DNM2: variants seen among roughly 807,000 people sequenced by gnomAD.
DNM2 encodes the protein dynamin 2.
DNM2 carries 15 observed loss-of-function variants against 99.0 expected under a neutral mutation model. The observed-to-expected ratio is 0.15, with a 90% confidence interval of 0.10 to 0.23. The LOEUF is 0.23. Among genes scored for constraint, DNM2 ranks in the 10% least tolerant of loss-of-function variants. The pLI, the probability that DNM2 is intolerant of heterozygous loss-of-function variation, is 1.00. For synonymous variants in DNM2, 525 were observed against 481.2 expected, an observed-to-expected ratio of 1.09 and a Z score of -1.19; for missense variants, 742 against 1,189.4, an observed-to-expected ratio of 0.62 and a Z score of 5.53.
intron 7 of DNM2, among the ~76,000 whole-genome samples, chr19:10,787,923 C>T (rs920764651): frequency 6.6e-6 from 1 of 151,070 alleles, no homozygotes; most frequent in Non-Finnish European, 1.5e-5. Context: ...GGCAAGACTC[C>T]GTCTCCAAAA....
chr19:10,817,503 G>T lies in DNM2; in HGVS notation c.1672-2477G>T. 2.2e-6 allele frequency: 1 copy of T among 458,104 alleles called. No homozygotes were observed. 28.4% of individuals were successfully genotyped at this position (458,104 alleles called of 1,614,324 possible). On this transcript the variant is annotated intron_variant, in intron 15 of 20. Transcript: ENST00000389253. This position sits in a 1 kb window ranked among gnomAD's most constrained non-coding sequence, Gnocchi z 4.6. Reference sequence around the variant, plus strand: ...GTCTGAACACTGGGTTGGCGGGGCCGGCTATCCATCCTGCAGAACCCCCCA... The same window carrying T: ...GTCTGAACACTGGGTTGGCGGGGCCTGCTATCCATCCTGCAGAACCCCCCA...
At chr19:10,805,743 C>T (rs1168644965) in intron 12 of DNM2, among the ~76,000 whole-genome samples, 173 bp from the exon 13 acceptor site, 3 of 152,100 alleles carry the variant, frequency 2.0e-5, no homozygotes, top group African/African-American at 4.8e-5. Context: ...TTACTTGTTC[C>T]GTGTGCCCAG....
At chr19:10,741,488 C>G (rs1418965408) in intron 1 of DNM2, among the ~76,000 whole-genome samples, 1 of 152,000 alleles carries the variant, frequency 6.6e-6, no homozygotes, top group Non-Finnish European at 1.5e-5. Flanking sequence ...CTTGGCCTCC[C>G]AAAGTGCTGA....
intron 9 of DNM2, 114 bp from the exon 10 acceptor site, chr19:10,797,266 G>C (rs1204570138): frequency 4.8e-6 from 7 of 1,466,874 alleles, no homozygotes; most frequent in Non-Finnish European, 5.6e-6. Flanking sequence ...CCCCATGCAT[G>C]GACTAATCAG....
chr19:10,737,950 A>G (rs1435509900), intron 1 of DNM2, among the ~76,000 whole-genome samples: 1 of 152,112 alleles, frequency 6.6e-6, no homozygotes, highest in African/African-American at 2.4e-5. Flanking sequence ...GTACTTGTCA[A>G]TCACTGAGCA....
chr19:10,823,602 G>A, intron 16 of DNM2, 186 bp from the exon 17 acceptor site: 1 of 598,694 alleles, frequency 1.7e-6, no homozygotes, highest in Non-Finnish European at 3.0e-6. Context: ...CACTTGCCGA[G>A]CTTGTGCACA....
chr19:10,753,015 T>C (rs564471174), intron 1 of DNM2, among the ~76,000 whole-genome samples: 5 of 152,186 alleles, frequency 3.3e-5, no homozygotes, highest in African/African-American at 7.2e-5. Flanking sequence ...TCCCAGCTAC[T>C]TGGGAGGCTG....
chr19:10,734,735 T>C (rs575103860), intron 1 of DNM2, among the ~76,000 whole-genome samples: 1 of 151,292 alleles, frequency 6.6e-6, no homozygotes, highest in Admixed American at 6.7e-5. Context: ...TTTTTTTTTT[T>C]ATCGAGATGG....
At chr19:10,729,398 C>T (rs1010988123) in intron 1 of DNM2, among the ~76,000 whole-genome samples, 5 of 151,936 alleles carry the variant, frequency 3.3e-5, no homozygotes, top group South Asian at 4.2e-4. Flanking sequence ...GAGTGAGAAG[C>T]GGTTTGCCCT....
intron 2 of DNM2, among the ~76,000 whole-genome samples, chr19:10,771,868 A>G (rs1178083822): frequency 6.6e-6 from 1 of 152,100 alleles, no homozygotes; most frequent in African/African-American, 2.4e-5. Context: ...AGGGGGATTC[A>G]TAATATGTCA....
At chr19:10,802,511 G>C in intron 12 of DNM2, 153 bp downstream of exon 12, 1 of 842,234 alleles carries the variant, frequency 1.2e-6, no homozygotes, top group Non-Finnish European at 2.0e-6. Context: ...GAGAATATCT[G>C]GAAGCTCTCC....
intron 15 of DNM2, among the ~76,000 whole-genome samples, chr19:10,814,094 G>A (rs1271595256): frequency 1.3e-5 from 2 of 152,082 alleles, no homozygotes; most frequent in East Asian, 3.9e-4. Context: ...CCTGGGAGGT[G>A]GAGGTGGAGT....
intron 1 of DNM2, among the ~76,000 whole-genome samples, chr19:10,739,208 C>A (rs986343392): frequency 1.3e-5 from 2 of 152,120 alleles, no homozygotes; most frequent in Non-Finnish European, 2.9e-5. Context: ...GGACGTGTTC[C>A]CTTGTTCTTC....
At chr19:10,754,066 G>T (rs1165692418) in intron 1 of DNM2, among the ~76,000 whole-genome samples, 1 of 152,070 alleles carries the variant, frequency 6.6e-6, no homozygotes, top group African/African-American at 2.4e-5. Context: ...GTCCCCTGTT[G>T]CTGGGCTTTA....
chr19:10,728,308 T>G (rs1011321516), intron 1 of DNM2, among the ~76,000 whole-genome samples: 3 of 152,292 alleles, frequency 2.0e-5, no homozygotes, highest in African/African-American at 7.2e-5. Flanking sequence ...GTAGAGAAAC[T>G]GAGGCCAGAG....
At chr19:10,782,462 G>A (rs558777003) in intron 5 of DNM2, among the ~76,000 whole-genome samples, 8 of 151,776 alleles carry the variant, frequency 5.3e-5, no homozygotes, top group African/African-American at 1.2e-4. Context: ...GGGTTCAAGC[G>A]GTTCTCCTGC....
At chr19:10,753,966 A>C (rs1369940180) in intron 1 of DNM2, among the ~76,000 whole-genome samples, 1 of 152,146 alleles carries the variant, frequency 6.6e-6, no homozygotes, top group Admixed American at 6.6e-5. Context: ...AATATATCTT[A>C]TATATAAGGT....
At chr19:10,728,591 C>T (rs1447531702) in intron 1 of DNM2, among the ~76,000 whole-genome samples, 1 of 152,160 alleles carries the variant, frequency 6.6e-6, no homozygotes, top group Non-Finnish European at 1.5e-5. Context: ...AACCACTCTA[C>T]ACCAGTTGCT....
Position 10,797,060 on chromosome 19 carries a change from G to A in DNM2, c.1197-320G>A, listed in dbSNP as rs114679160. On this transcript the variant is annotated intron_variant, in intron 9 of 20. Transcript: ENST00000389253. ...GGGAGGGGGAAAACAGTCCAAACAGGTTGGAAAACGCTCGTCCTAGAGCCA... is the reference window on the plus strand; with the variant it reads ...GGGAGGGGGAAAACAGTCCAAACAGATTGGAAAACGCTCGTCCTAGAGCCA... Among the ~76,000 whole-genome samples, 1,295 of 152,146 alleles carry A rather than the reference G, an allele frequency of 8.5e-3. 26 individuals are homozygous for A. The highest frequency in any genetic ancestry group is 0.029 in the African/African-American group (1,208 of 41,496).
Sources: gnomAD v4.1 joint callset for allele counts (sites outside exome capture counted in the v4.1 genomes callset) on GRCh38, gnomAD v4.1.1 for gene constraint, Gnocchi (gnomAD v3.1) non-coding constraint, MANE v1.5 for transcripts, NCBI Gene and HGNC (gene_info 2026-07-23, HGNC 2026-07-21) for gene names.